The following KCNAB1 variants were observed in gnomAD, a reference collection of about 807,000 sequenced individuals.
KCNAB1 encodes voltage-gated potassium channel subunit beta-1.
A neutral mutation model predicts 64.6 loss-of-function variants in KCNAB1; 35 were observed. The ratio of observed to expected loss-of-function variants is 0.54; its 90% CI spans 0.41 to 0.72. The LOEUF is 0.72. Among genes scored for constraint, KCNAB1 ranks in the 30% least tolerant of loss-of-function variants. The pLI, the probability that KCNAB1 is intolerant of heterozygous loss-of-function variation, is 0.00. For missense variants in KCNAB1, 401 were observed against 512.9 expected (o/e 0.78, Z 2.11); for synonymous variants, 177 against 183.8 (o/e 0.96, Z 0.30).
chr3:156,277,240 C>G (rs746058128), intron 1 of KCNAB1, among the ~76,000 whole-genome samples: 1 of 151,986 alleles, frequency 6.6e-6, no homozygotes, highest in Non-Finnish European at 1.5e-5. Context: ...TTGTGGCACC[C>G]AAAACAATGA....
chr3:156,406,315 T>A (rs979016776), intron 1 of KCNAB1, among the ~76,000 whole-genome samples: 1 of 152,144 alleles, frequency 6.6e-6, no homozygotes, highest in Non-Finnish European at 1.5e-5. Flanking sequence ...AGCTCCTTGG[T>A]CAGTCAGTCT....
chr3:156,136,938 C>G (rs1446800372), intron 1 of KCNAB1, among the ~76,000 whole-genome samples: 1 of 152,198 alleles, frequency 6.6e-6, no homozygotes, highest in Non-Finnish European at 1.5e-5. Context: ...AGTTAAATCT[C>G]AAGGGCCAGT....
At chr3:156,268,054 G>T in intron 1 of KCNAB1, among the ~76,000 whole-genome samples, 1 of 134,926 alleles carries the variant, frequency 7.4e-6, no homozygotes, top group Non-Finnish European at 1.5e-5. Context: ...CCCAACCTCT[G>T]GTAACCATCA....
intron 1 of KCNAB1, among the ~76,000 whole-genome samples, chr3:156,213,545 A>C (rs1417664253): frequency 6.6e-6 from 1 of 152,100 alleles, no homozygotes; most frequent in African/African-American, 2.4e-5. Flanking sequence ...ATCTCTAATA[A>C]GTTGCAAGAT....
intron 1 of KCNAB1, among the ~76,000 whole-genome samples, chr3:156,146,403 A>G (rs936015996): frequency 2.0e-5 from 3 of 152,236 alleles, no homozygotes; most frequent in Non-Finnish European, 4.4e-5. Context: ...TAAGCCAGAC[A>G]GTAAACACGA....
intron 1 of KCNAB1, among the ~76,000 whole-genome samples, chr3:156,354,453 G>T (rs963527777): frequency 4.0e-5 from 6 of 151,770 alleles, no homozygotes; most frequent in Admixed American, 6.6e-5. Context: ...GAGCCACCGT[G>T]CCCAGCCCAT....
At chr3:156,178,396 A>C (rs1047207284) in intron 1 of KCNAB1, among the ~76,000 whole-genome samples, 1 of 152,232 alleles carries the variant, frequency 6.6e-6, no homozygotes, top group African/African-American at 2.4e-5. Context: ...CACAAAGTTG[A>C]GAAGACACTC....
chr3:156,407,347 A>G (rs1714317525), intron 1 of KCNAB1, among the ~76,000 whole-genome samples: 1 of 152,122 alleles, frequency 6.6e-6, no homozygotes, highest in Admixed American at 6.5e-5. Flanking sequence ...TCCTCTGTGA[A>G]GCTGTTTCTG....
chr3:156,339,394 A>G (rs1576746025), intron 1 of KCNAB1, among the ~76,000 whole-genome samples: 1 of 151,964 alleles, frequency 6.6e-6, no homozygotes, highest in South Asian at 2.1e-4. Context: ...TTAAGTGCCT[A>G]CTCTGTGTTT....
intron 1 of KCNAB1, among the ~76,000 whole-genome samples, chr3:156,149,456 G>A (rs1488822537): frequency 6.6e-6 from 1 of 152,144 alleles, no homozygotes; most frequent in Non-Finnish European, 1.5e-5. Context: ...AGAGATGTCA[G>A]GGCAGAGAAT....
rs6768861 is a variant in KCNAB1 at position 156,376,857 on chromosome 3, T to A, written c.276-44759T>A. Among the ~76,000 whole-genome samples the A allele has an allele frequency of 7.1e-3, 1,079 of 152,036 alleles. 9 individuals carry two copies. The highest frequency in any genetic ancestry group is 0.025 in the African/African-American group (1,031 of 41,430). On this transcript the variant is annotated intron_variant, in intron 1 of 13. Coordinates refer to ENST00000490337, the MANE Select transcript of KCNAB1 (RefSeq NM_172160.3). The stretch of plus-strand genomic sequence containing the variant: ...AAAAGGAAGACCCAAGGCACTAAAG[T>A]TGAGAGAGAAAGTAACAATGGAACA...
At chr3:156,397,314 T>A (rs1327389786) in intron 1 of KCNAB1, among the ~76,000 whole-genome samples, 1 of 152,216 alleles carries the variant, frequency 6.6e-6, no homozygotes. Context: ...GTAATATATG[T>A]AAAGAAATTG....
At chr3:156,267,707 C>A (rs926062334) in intron 1 of KCNAB1, among the ~76,000 whole-genome samples, 3 of 152,042 alleles carry the variant, frequency 2.0e-5, no homozygotes, top group African/African-American at 7.2e-5. Context: ...TGCCCAGGTT[C>A]TTTTCTGCCC....
At chr3:156,202,035 T>C (rs1188434072) in intron 1 of KCNAB1, among the ~76,000 whole-genome samples, 2 of 152,158 alleles carry the variant, frequency 1.3e-5, no homozygotes, top group African/African-American at 4.8e-5. Context: ...TTGGCAAGAC[T>C]GCCCTGCAGA....
At chr3:156,296,620 C>CCCA (rs1187588836) in intron 1 of KCNAB1, among the ~76,000 whole-genome samples, 1 of 151,866 alleles carries the variant, frequency 6.6e-6, no homozygotes, top group Non-Finnish European at 1.5e-5. Context: ...ACTACAGGTG[C>CCCA]CCACCACCAT....
At chr3:156,251,617 G>T (rs558654618) in intron 1 of KCNAB1, among the ~76,000 whole-genome samples, 7 of 152,194 alleles carry the variant, frequency 4.6e-5, no homozygotes, top group African/African-American at 1.7e-4. Context: ...TTGGGAGGAG[G>T]GGTATCCTTT....
intron 1 of KCNAB1, among the ~76,000 whole-genome samples, chr3:156,341,902 A>C (rs180831523): frequency 0.014 from 2,154 of 152,244 alleles, 21 homozygotes; most frequent in South Asian, 0.031. Flanking sequence ...ACTGGATGTG[A>C]CATTTAAAAT....
chr3:156,390,170 G>T (rs1328404244), intron 1 of KCNAB1, among the ~76,000 whole-genome samples: 1 of 152,190 alleles, frequency 6.6e-6, no homozygotes, highest in Non-Finnish European at 1.5e-5. Context: ...CTCTAGCTGA[G>T]ATCAGAAGGC....
chr3:156,516,078 A>T (rs1007017153), intron 10 of KCNAB1, among the ~76,000 whole-genome samples, 192 bp from the exon 11 acceptor site: 3 of 152,168 alleles, frequency 2.0e-5, no homozygotes, highest in Non-Finnish European at 2.9e-5. Flanking sequence ...TAATTGGCTG[A>T]TTAAAGAATG....
Sources: gnomAD v4.1 joint callset for allele counts (sites outside exome capture counted in the v4.1 genomes callset) on GRCh38, gnomAD v4.1.1 for gene constraint, MANE v1.5 for transcripts, NCBI Gene and HGNC (gene_info 2026-07-23, HGNC 2026-07-21) for gene names.